The following STEAP1B variants were observed in gnomAD, a reference collection of about 807,000 sequenced individuals.
STEAP1B encodes the protein STEAP family protein MGC87042.
Under a neutral mutation model 27.9 loss-of-function variants are expected in STEAP1B, and 13 were observed. The ratio of observed to expected loss-of-function variants is 0.47; its 90% CI spans 0.30 to 0.74. The LOEUF (loss-of-function observed/expected upper bound fraction) is 0.74. STEAP1B is among the 30% of genes least tolerant of loss of function. The pLI is 0.06. For synonymous variants in STEAP1B, 86 were observed against 107.1 expected, an observed-to-expected ratio of 0.80 and a Z score of 1.22; for missense variants, 250 against 298.7, an observed-to-expected ratio of 0.84 and a Z score of 1.20.
At chr7:22,450,344 G>C (rs1785468212) in intron 4 of STEAP1B, among the ~76,000 whole-genome samples, 2 of 152,158 alleles carry the variant, frequency 1.3e-5, no homozygotes, top group Admixed American at 6.5e-5. Context: ...TTTGATTTGA[G>C]TTTTGTATAT....
intron 4 of STEAP1B, among the ~76,000 whole-genome samples, chr7:22,482,554 T>A (rs770151305): frequency 6.6e-6 from 1 of 152,182 alleles, no homozygotes; most frequent in Non-Finnish European, 1.5e-5. Context: ...TGCACCATAG[T>A]AGACCCACAA....
At chr7:22,481,345 C>T (rs1025911442) in intron 4 of STEAP1B, among the ~76,000 whole-genome samples, 22 of 152,220 alleles carry the variant, frequency 1.4e-4, no homozygotes, top group African/African-American at 5.3e-4. Context: ...ACCTGTGTGC[C>T]TTTAGCTAAC....
chr7:22,420,084 C>T (rs1241843871), intron 4 of STEAP1B, among the ~76,000 whole-genome samples: 1 of 152,034 alleles, frequency 6.6e-6, no homozygotes, highest in Non-Finnish European at 1.5e-5. Context: ...AATGAGAGTC[C>T]CACCCCATTA....
chr7:22,479,760 G>A (rs4585644), intron 4 of STEAP1B, among the ~76,000 whole-genome samples: 68,203 of 145,288 alleles, frequency 0.47, 16,348 homozygotes, highest in African/African-American at 0.56. Flanking sequence ...TCTTGGCCCA[G>A]TGCAGCCTCC....
intron 4 of STEAP1B, among the ~76,000 whole-genome samples, chr7:22,424,988 G>C (rs2686495): frequency 0.75 from 113,878 of 151,986 alleles, 42,771 homozygotes; most frequent in Middle Eastern, 0.79. Context: ...AAAGTATTAA[G>C]TGTCACCACC....
chr7:22,444,879 C>T (rs763711951), intron 4 of STEAP1B, among the ~76,000 whole-genome samples: 6 of 152,176 alleles, frequency 3.9e-5, no homozygotes, highest in South Asian at 2.1e-4. Flanking sequence ...TATTCTATTT[C>T]GTGAGTTTGG....
At chr7:22,446,656 C>T (rs565452238) in intron 4 of STEAP1B, among the ~76,000 whole-genome samples, 1 of 152,200 alleles carries the variant, frequency 6.6e-6, no homozygotes, top group African/African-American at 2.4e-5. Flanking sequence ...AATCTCACTT[C>T]TATAACCCTT....
intron 4 of STEAP1B, among the ~76,000 whole-genome samples, chr7:22,466,138 G>C (rs533608998): frequency 6.6e-6 from 1 of 152,200 alleles, no homozygotes; most frequent in Admixed American, 6.5e-5. Flanking sequence ...TGAACATTTT[G>C]GCTCACAGTG....
At chr7:22,496,693 C>G (rs1246644502) in intron 1 of STEAP1B, among the ~76,000 whole-genome samples, 1 of 152,168 alleles carries the variant, frequency 6.6e-6, no homozygotes, top group African/African-American at 2.4e-5. Flanking sequence ...AGAGACTATA[C>G]CATCTAGCCT....
intron 4 of STEAP1B, chr7:22,438,695 T>C: frequency 1.3e-6 from 2 of 1,551,804 alleles, no homozygotes; most frequent in Non-Finnish European, 1.7e-6. Flanking sequence ...ACCAGTTGTG[T>C]CTTGGCCAGT....
chr7:22,475,624 T>C lies in STEAP1B; in HGVS notation c.762+16941A>G, dbSNP rs377752326. On this transcript the variant is annotated intron_variant, in intron 4 of 4. Coordinates refer to ENST00000678116, the MANE Select transcript of STEAP1B (RefSeq NM_001382447.1). ...GCTTTAAGCCATCCCCCAGCCTGCATGGTAAACACACCTGAGAGCAATAAC... is the reference window on the plus strand; with the variant it reads ...GCTTTAAGCCATCCCCCAGCCTGCACGGTAAACACACCTGAGAGCAATAAC... Among the ~76,000 whole-genome samples the C allele has an allele frequency of 2.5e-3, 384 of 152,318 alleles. 1 individual carries two copies. The highest frequency in any genetic ancestry group is 8.7e-3 in the African/African-American group (362 of 41,594).
intron 4 of STEAP1B, among the ~76,000 whole-genome samples, chr7:22,468,827 G>C (rs566829354): frequency 5.9e-5 from 9 of 152,298 alleles, no homozygotes; most frequent in Non-Finnish European, 1.3e-4. Context: ...CAATGTCAGA[G>C]TGCAACACAT....
chr7:22,421,285 T>C (rs1170000432), intron 4 of STEAP1B, among the ~76,000 whole-genome samples: 1 of 152,180 alleles, frequency 6.6e-6, no homozygotes, highest in East Asian at 1.9e-4. Context: ...GCAATGATAA[T>C]GATGGGTGAT....
intron 4 of STEAP1B, among the ~76,000 whole-genome samples, chr7:22,440,187 C>T (rs559060891): frequency 7.2e-5 from 11 of 152,116 alleles, no homozygotes; most frequent in South Asian, 4.2e-4. Flanking sequence ...TCTACCAGAT[C>T]GAGGGGGGAA....
intron 4 of STEAP1B, among the ~76,000 whole-genome samples, chr7:22,481,739 G>T (rs1786078047): frequency 6.6e-6 from 1 of 152,202 alleles, no homozygotes; most frequent in African/African-American, 2.4e-5. Context: ...GCACTTAGAG[G>T]GCTATGCCAT....
chr7:22,488,649 GC>G (rs1340669701), intron 4 of STEAP1B, among the ~76,000 whole-genome samples: 2 of 152,210 alleles, frequency 1.3e-5, no homozygotes, highest in Non-Finnish European at 2.9e-5. Flanking sequence ...GGTAGGTTCT[GC>G]CATGTTTTCA....
chr7:22,490,979 T>C (rs1786311641), intron 4 of STEAP1B, among the ~76,000 whole-genome samples: 2 of 152,260 alleles, frequency 1.3e-5, no homozygotes, highest in South Asian at 4.1e-4. Context: ...GTACGTGATA[T>C]ATCTAACCAT....
chr7:22,447,226 C>G (rs1171240693), intron 4 of STEAP1B, among the ~76,000 whole-genome samples: 1 of 152,144 alleles, frequency 6.6e-6, no homozygotes, highest in African/African-American at 2.4e-5. Flanking sequence ...TTATATTAGG[C>G]ACTTTGCACA....
chr7:22,444,842 CA>C (rs1401204211), intron 4 of STEAP1B, among the ~76,000 whole-genome samples: 1 of 152,140 alleles, frequency 6.6e-6, no homozygotes, highest in Non-Finnish European at 1.5e-5. Context: ...TGTGAAAAAC[CA>C]ATCAGGTATT....
Sources: gnomAD v4.1 joint callset for allele counts (sites outside exome capture counted in the v4.1 genomes callset) on GRCh38, gnomAD v4.1.1 for gene constraint, MANE v1.5 for transcripts, NCBI Gene and HGNC (gene_info 2026-07-23, HGNC 2026-07-21) for gene names.